PKHD1: variants seen among roughly 807,000 people sequenced by gnomAD.
PKHD1 encodes fibrocystin.
PKHD1 carries 291 observed loss-of-function variants against 412.0 expected under a neutral mutation model. The observed-to-expected ratio is 0.71, with a 90% CI of 0.64 to 0.78. The LOEUF is 0.78. Ranked by LOEUF, PKHD1 falls within the 30% of genes least tolerant of loss-of-function variation. The pLI, the probability that PKHD1 is intolerant of heterozygous loss-of-function variation, is 0.00. For missense variants in PKHD1, 4,825 were observed against 4,950.7 expected (o/e 0.97, Z 0.76); for synonymous variants, 1,777 against 1,821.5 (o/e 0.98, Z 0.62).
chr6:52,084,961 G>A lies in PKHD1; in HGVS notation c.-28C>T. 6.7e-7 allele frequency: 1 copy of A among 1,484,904 alleles called. No homozygotes were observed. The highest frequency in any genetic ancestry group is 9.4e-7 in the Non-Finnish European group (1 of 1,062,260). The allele number at this position is 1,484,904 out of a possible 1,614,324, so 92.0% of individuals were successfully genotyped here. A position where few individuals can be genotyped will look rare whatever the true frequency, so the allele number is the denominator to read the frequency against. On this transcript the variant is annotated 5_prime_UTR_variant, in exon 2 of 67. Coordinates refer to ENST00000371117, the MANE Select transcript of PKHD1 (RefSeq NM_138694.4). The stretch of plus-strand genomic sequence containing the variant: ...TGTCCACTTAAATCAATACTCTTAA[G>A]ATTGCTCAGACATTAAAAGCATTTT...
chr6:52,020,637 A>G (rs1581780352), intron 33 of PKHD1, among the ~76,000 whole-genome samples: 1 of 152,204 alleles, frequency 6.6e-6, no homozygotes, highest in African/African-American at 2.4e-5. Flanking sequence ...TCCACTTTCC[A>G]AAGAACCACC....
intron 60 of PKHD1, among the ~76,000 whole-genome samples, chr6:51,740,415 C>A (rs1784420605): frequency 6.6e-6 from 1 of 151,978 alleles, no homozygotes. Flanking sequence ...TAAAAATAAA[C>A]CTCAAAGGCA....
At chr6:51,682,723 A>C (rs1043317918) in intron 60 of PKHD1, among the ~76,000 whole-genome samples, 1 of 152,018 alleles carries the variant, frequency 6.6e-6, no homozygotes, top group Non-Finnish European at 1.5e-5. Flanking sequence ...TCCTTGTGTC[A>C]GCTATAGAAG....
chr6:52,023,807 T>C (rs907178231), intron 32 of PKHD1, among the ~76,000 whole-genome samples: 2 of 152,052 alleles, frequency 1.3e-5, no homozygotes, highest in African/African-American at 4.8e-5. Flanking sequence ...GGAAGCTGAG[T>C]CTCAGAAAAG....
intron 62 of PKHD1, among the ~76,000 whole-genome samples, 197 bp downstream of exon 62, chr6:51,648,888 T>C (rs1055673486): frequency 3.3e-5 from 5 of 152,180 alleles, no homozygotes; most frequent in Non-Finnish European, 5.9e-5. Context: ...AAATTCTGAA[T>C]GTTCAGAGAA....
At chr6:51,897,669 A>T (rs994845551) in intron 43 of PKHD1, among the ~76,000 whole-genome samples, 4 of 146,240 alleles carry the variant, frequency 2.7e-5, no homozygotes, top group Non-Finnish European at 6.0e-5. Flanking sequence ...AACAATATTA[A>T]CTTTAAATGT....
At chr6:51,639,250 C>A (rs1161725892) in intron 63 of PKHD1, among the ~76,000 whole-genome samples, 2 of 152,038 alleles carry the variant, frequency 1.3e-5, no homozygotes, top group African/African-American at 4.8e-5. Context: ...TATATTCTAG[C>A]AATTAGGAAA....
intron 20 of PKHD1, 24 bp from the exon 21 acceptor site, chr6:52,053,275 C>A (rs773072344): frequency 6.2e-6 from 10 of 1,613,010 alleles, no homozygotes; most frequent in Non-Finnish European, 8.5e-6. Flanking sequence ...TGGAGCAGAA[C>A]TGGGCTCTCA....
chr6:52,017,644 C>A lies in PKHD1; in HGVS notation c.5381-15G>T. The A allele has an allele frequency of 1.2e-6, 2 of 1,602,166 alleles. No homozygotes were observed. The highest frequency in any genetic ancestry group is 1.1e-5 in the South Asian group (1 of 90,714). Reference sequence around the variant, plus strand: ...GGCCAAGGACACTGCAGGAAACAGTCACCATTAGGAAAGAACCACAGAGAG... The same window carrying A: ...GGCCAAGGACACTGCAGGAAACAGTAACCATTAGGAAAGAACCACAGAGAG... On this transcript the variant is annotated splice_polypyrimidine_tract_variant and intron_variant, in intron 33 of 66. Transcript: ENST00000371117.
At chr6:51,631,014 T>C (rs1767857364) in intron 65 of PKHD1, among the ~76,000 whole-genome samples, 1 of 152,092 alleles carries the variant, frequency 6.6e-6, no homozygotes, top group African/African-American at 2.4e-5. Context: ...AGAAGTCACG[T>C]CTAGAGCTGG....
At chr6:51,873,333 G>A (rs912296371) in intron 46 of PKHD1, among the ~76,000 whole-genome samples, 7 of 152,258 alleles carry the variant, frequency 4.6e-5, no homozygotes, top group South Asian at 4.2e-4. Flanking sequence ...AATCTATATC[G>A]ATAGAAGGCT....
intron 41 of PKHD1, among the ~76,000 whole-genome samples, chr6:51,905,843 A>G (rs577740601): frequency 6.6e-6 from 1 of 152,174 alleles, no homozygotes; most frequent in Non-Finnish European, 1.5e-5. Flanking sequence ...CTTGAATTCT[A>G]TTAAGAAGAG....
intron 46 of PKHD1, among the ~76,000 whole-genome samples, chr6:51,872,657 C>A (rs1277597782): frequency 1.3e-5 from 2 of 152,088 alleles, no homozygotes; most frequent in Admixed American, 6.5e-5. Flanking sequence ...GATCTGCACA[C>A]CTCGGCCTCC....
At chr6:51,705,627 C>T (rs985434512) in intron 60 of PKHD1, among the ~76,000 whole-genome samples, 1 of 152,022 alleles carries the variant, frequency 6.6e-6, no homozygotes. Context: ...AATGTCTCTC[C>T]CATAGGGCCC....
intron 34 of PKHD1, 100 bp from the exon 35 acceptor site, chr6:52,010,559 C>T: frequency 1.0e-6 from 1 of 1,004,296 alleles, no homozygotes; most frequent in Non-Finnish European, 1.6e-6. Context: ...CTTGTGGCAA[C>T]TACAGGCCAC....
At chr6:51,944,326 A>T (rs938043493) in intron 36 of PKHD1, among the ~76,000 whole-genome samples, 7 of 150,752 alleles carry the variant, frequency 4.6e-5, no homozygotes, top group Admixed American at 2.6e-4. Flanking sequence ...CCCTTCACTG[A>T]CTCTCTTTTC....
intron 55 of PKHD1, among the ~76,000 whole-genome samples, chr6:51,771,612 G>T (rs1790150641): frequency 6.8e-6 from 1 of 147,478 alleles, no homozygotes. Flanking sequence ...GAGTGAGACT[G>T]TGTCAAAAAA....
intron 43 of PKHD1, among the ~76,000 whole-genome samples, chr6:51,895,925 G>A (rs2474897): frequency 0.021 from 3,219 of 152,128 alleles, 128 homozygotes; most frequent in African/African-American, 0.073. Flanking sequence ...CTGGAAAATC[G>A]GGTCACTCCC....
At chr6:51,838,679 C>G (rs190866570) in intron 50 of PKHD1, among the ~76,000 whole-genome samples, 3 of 152,312 alleles carry the variant, frequency 2.0e-5, no homozygotes, top group African/African-American at 7.2e-5. Flanking sequence ...AGGGCTATCT[C>G]TTCCCAAACA....
Sources: gnomAD v4.1 joint callset for allele counts (sites outside exome capture counted in the v4.1 genomes callset) on GRCh38, gnomAD v4.1.1 for gene constraint, MANE v1.5 for transcripts, NCBI Gene and HGNC (gene_info 2026-07-23, HGNC 2026-07-21) for gene names.